HIVEP3: variants seen among roughly 807,000 people sequenced by gnomAD.
HIVEP3 encodes the protein HIVEP zinc finger 3, also known as transcription factor HIVEP3.
HIVEP3 carries 49 observed loss-of-function variants against 152.8 expected under a neutral mutation model. The ratio of observed to expected loss-of-function variants is 0.32; its 90% CI spans 0.26 to 0.41. The LOEUF (loss-of-function observed/expected upper bound fraction) is 0.41. Ranked by LOEUF, HIVEP3 falls within the 10% of genes least tolerant of loss-of-function variation. The pLI, the probability that HIVEP3 is intolerant of heterozygous loss-of-function variation, is 1.00. For synonymous variants in HIVEP3, 1,269 were observed against 1,289.0 expected (o/e 0.98, Z 0.33); for missense variants, 2,790 against 3,103.3 (o/e 0.90, Z 2.40).
At chr1:41,651,266 CTGGGCATGG>C (rs1645544390) in intron 2 of HIVEP3, among the ~76,000 whole-genome samples, 1 of 152,082 alleles carries the variant, frequency 6.6e-6, no homozygotes, top group Admixed American at 6.5e-5. Flanking sequence ...AAGAAATTAG[CTGGGCATGG>C]TGGCACACGC....
At chr1:41,811,595 C>T (rs1273626721) in intron 1 of HIVEP3, among the ~76,000 whole-genome samples, 3 of 151,912 alleles carry the variant, frequency 2.0e-5, no homozygotes, top group African/African-American at 4.8e-5. Context: ...CACTTGGGGC[C>T]GCCCAGCTGG....
chr1:41,908,229 T>C (rs702225), intron 1 of HIVEP3, among the ~76,000 whole-genome samples: 121,897 of 152,102 alleles, frequency 0.8, 49,598 homozygotes, highest in East Asian at 0.96. Flanking sequence ...AGTAGAATTG[T>C]CAATGTGTAG....
intron 1 of HIVEP3, among the ~76,000 whole-genome samples, chr1:41,910,095 A>G (rs899528237): frequency 6.6e-6 from 1 of 151,996 alleles, no homozygotes; most frequent in African/African-American, 2.4e-5. Context: ...AAATTAGTAT[A>G]GACATTCATA....
rs1553135852 is a variant in HIVEP3, at chr1:41,929,726, T to TATATATATATATATATATATA, written n.120-11203_120-11202insTATATATATATATATATATAT. Among the ~76,000 whole-genome samples the TATATATATATATATATATATA allele has an allele frequency of 9.1e-3, 1,022 of 112,494 alleles. 71 individuals carry two copies. Among genetic ancestry groups the TATATATATATATATATATATA allele is most frequent in the African/African-American group, 0.014 (344 of 24,276 alleles). The allele number at this position is 112,494 out of a possible 152,430, so 73.8% of individuals were successfully genotyped here. ...TGTGTGAGTGTGTGTATATGTGTTT[T>TATATATATATATATATATATA]TATATATATATATATATATATATAT... On this transcript the variant is annotated intron_variant and non_coding_transcript_variant, in intron 1 of 3. Transcript: ENST00000489103.
chr1:41,617,913 C>T (rs1266845854), intron 3 of HIVEP3, among the ~76,000 whole-genome samples: 2 of 152,148 alleles, frequency 1.3e-5, no homozygotes. Flanking sequence ...ACAAAAGAGC[C>T]CTGGAGGGCA....
In HIVEP3 at chr1:41,533,044, T is replaced by A. The variant is rs1234409513; in HGVS notation, c.5208-8134A>T. Among the ~76,000 whole-genome samples, 7 of 152,150 alleles carry A rather than the reference T, an allele frequency of 4.6e-5. No individual in the cohort carries two copies. The highest frequency in any genetic ancestry group is 1.0e-4 in the Non-Finnish European group (7 of 68,014). ...GAGGGTTTAGAGGAGGAGGGGCCCA[T>A]GGCTGGACATCCCAGAGAGCTTGAG... is the stretch of plus-strand genomic sequence containing the variant. On this transcript the variant is annotated intron_variant, in intron 5 of 8. Transcript: ENST00000372583. This position sits in a 1 kb window ranked among gnomAD's most constrained non-coding sequence, Gnocchi z 4.3.
At chr1:42,006,384 A>G (rs1427672702) in intron 1 of HIVEP3, among the ~76,000 whole-genome samples, 1 of 152,214 alleles carries the variant, frequency 6.6e-6, no homozygotes, top group Non-Finnish European at 1.5e-5. Flanking sequence ...GGACCTCCTT[A>G]CATTCTTAAA....
At chr1:41,830,855 G>A (rs1324701914) in intron 1 of HIVEP3, among the ~76,000 whole-genome samples, 1 of 152,214 alleles carries the variant, frequency 6.6e-6, no homozygotes, top group African/African-American at 2.4e-5. Context: ...AGAGCTGGGA[G>A]GTGGGAGTAT....
At chr1:41,761,603 T>C (rs1281647684) in intron 1 of HIVEP3, among the ~76,000 whole-genome samples, 1 of 152,222 alleles carries the variant, frequency 6.6e-6, no homozygotes, top group South Asian at 2.1e-4. Flanking sequence ...TGCATGTGTG[T>C]GTTATGCTTA....
intron 1 of HIVEP3, among the ~76,000 whole-genome samples, chr1:41,736,895 C>T (rs551717625): frequency 4.9e-4 from 75 of 152,246 alleles, no homozygotes; most frequent in Middle Eastern, 3.4e-3. Flanking sequence ...TCTTTTTCTA[C>T]CCAGAGAAGC....
At chr1:41,905,566 T>A (rs1297232122) in intron 1 of HIVEP3, among the ~76,000 whole-genome samples, 1 of 152,248 alleles carries the variant, frequency 6.6e-6, no homozygotes, top group African/African-American at 2.4e-5. Flanking sequence ...ACATAGGTAC[T>A]GTTATCCTCA....
At position 41,513,764 on chromosome 1, in the gene HIVEP3, C is replaced by G. The variant is rs369531380; in HGVS notation, c.5471-14G>C. ...CGTCACTGGTTCCTGAGGGCAAACA[C>G]AGAAGACCCAAGGTCACAGTTGGGC... On this transcript the variant is annotated splice_polypyrimidine_tract_variant and intron_variant, in intron 7 of 8. Coordinates refer to ENST00000372583, the MANE Select transcript of HIVEP3 (RefSeq NM_024503.5). The G allele has an allele frequency of 6.5e-7, 1 of 1,537,368 alleles. No individual in the cohort carries two copies. Among genetic ancestry groups the G allele is most frequent in the Non-Finnish European group, 8.8e-7 (1 of 1,142,402 alleles).
intron 5 of HIVEP3, among the ~76,000 whole-genome samples, chr1:41,536,693 A>G (rs533108088): frequency 9.9e-5 from 15 of 152,148 alleles, no homozygotes; most frequent in Non-Finnish European, 1.9e-4. Flanking sequence ...GAAACCACAG[A>G]TTCAGATTTT....
intron 5 of HIVEP3, among the ~76,000 whole-genome samples, chr1:41,527,996 A>C (rs1643057840): frequency 1.9e-5 from 2 of 107,610 alleles, no homozygotes; most frequent in South Asian, 3.2e-4. Flanking sequence ...ACACTCCCGC[A>C]CTCACACTCC....
chr1:41,712,328 T>C (rs1472329696), intron 1 of HIVEP3, among the ~76,000 whole-genome samples: 1 of 152,226 alleles, frequency 6.6e-6, no homozygotes, highest in Non-Finnish European at 1.5e-5. Context: ...GCCCACTGCT[T>C]GTGCGCACCA....
At chr1:41,561,833 G>T (rs1558062199) in intron 5 of HIVEP3, among the ~76,000 whole-genome samples, 2 of 146,178 alleles carry the variant, frequency 1.4e-5, no homozygotes, top group African/African-American at 5.1e-5. Context: ...TTGTTACTGT[G>T]CATGGGTCAA....
intron 1 of HIVEP3, among the ~76,000 whole-genome samples, chr1:41,716,751 T>C (rs765255636): frequency 7.9e-5 from 12 of 152,246 alleles, no homozygotes; most frequent in Non-Finnish European, 1.8e-4. Context: ...GCTGAGAGGC[T>C]GCATCCTCCT....
At chr1:41,537,093 C>T (rs1045696913) in intron 5 of HIVEP3, among the ~76,000 whole-genome samples, 4 of 152,200 alleles carry the variant, frequency 2.6e-5, no homozygotes, top group Non-Finnish European at 5.9e-5. Flanking sequence ...GACCTTCAAG[C>T]CCGTGACTTT....
chr1:41,756,208 A>C (rs1333657520), intron 1 of HIVEP3, among the ~76,000 whole-genome samples: 1 of 152,238 alleles, frequency 6.6e-6, no homozygotes, highest in Non-Finnish European at 1.5e-5. Flanking sequence ...AGCCGATCTC[A>C]AAAGGTCATC....
Sources: allele counts gnomAD v4.1 joint callset (sites outside exome capture counted in the v4.1 genomes callset), GRCh38; gene constraint gnomAD v4.1.1; non-coding constraint Gnocchi (gnomAD v3.1); transcripts MANE v1.5; gene names NCBI Gene and HGNC (gene_info 2026-07-23, HGNC 2026-07-21).